Variants in UFD1 observed in about 807,000 individuals in gnomAD.
The protein encoded by UFD1 is ubiquitin recognition factor in ER-associated degradation protein 1.
UFD1 carries 13 observed loss-of-function variants against 45.9 expected under a neutral mutation model. The ratio of observed to expected loss-of-function variants is 0.28; its 90% confidence interval spans 0.18 to 0.45. The LOEUF (loss-of-function observed/expected upper bound fraction) is 0.45, where lower values mean the gene tolerates loss of function less well. Among genes scored for constraint, UFD1 ranks in the 20% least tolerant of loss-of-function variants. The pLI, the probability that UFD1 is intolerant of heterozygous loss-of-function variation, is 1.00. For missense variants in UFD1, 218 were observed against 389.2 expected, an observed-to-expected ratio of 0.56 and a Z score of 3.70; for synonymous variants, 128 against 139.2, an observed-to-expected ratio of 0.92 and a Z score of 0.56.
chr22:19,468,518 A>G (rs1377365106), intron 4 of UFD1, among the ~76,000 whole-genome samples: 1 of 152,192 alleles, frequency 6.6e-6, no homozygotes, highest in African/African-American at 2.4e-5. Flanking sequence ...ACATGTCTCT[A>G]TTAAACAACC....
chr22:19,463,932 A>C (rs2089784422), intron 6 of UFD1, among the ~76,000 whole-genome samples: 1 of 152,336 alleles, frequency 6.6e-6, no homozygotes, highest in East Asian at 1.9e-4. Context: ...TAGGAGTTAT[A>C]TGTAGTATTA....
At chr22:19,468,183 A>G (rs1451410584) in intron 4 of UFD1, among the ~76,000 whole-genome samples, 180 bp from the exon 5 acceptor site, 2 of 152,250 alleles carry the variant, frequency 1.3e-5, no homozygotes, top group African/African-American at 4.8e-5. Context: ...TGTGGAAGGA[A>G]GAAGGCCAAT....
Position 19,475,599 on chromosome 22 carries a change from A to G in UFD1, c.7T>C (p.Ser3Pro). The change falls in exon 2 of 12, where the codon TCT (serine) becomes CCT (proline). Residue 3 changes from serine to proline, a missense_variant. By Grantham distance (74) the Ser-to-Pro change is moderately conservative. Coordinates refer to ENST00000263202, the MANE Select transcript of UFD1 (RefSeq NM_005659.7). The stretch of plus-strand genomic sequence containing the variant: ...ATAGGGTGGTCGAACATGTTGAAAG[A>G]GAACTAGAAGGAGGAAAGAGAAACA... MF[S>P]FNMFDHPIPR... is the part of the protein sequence containing the mutation. The G allele has an allele frequency of 6.2e-7, 1 of 1,614,102 alleles. No individual in the cohort carries two copies. Among genetic ancestry groups the G allele is most frequent in the Non-Finnish European group, 8.5e-7 (1 of 1,179,992 alleles).
intron 3 of UFD1, among the ~76,000 whole-genome samples, chr22:19,472,980 T>C (rs1601902266): frequency 6.6e-6 from 1 of 152,312 alleles, no homozygotes; most frequent in East Asian, 1.9e-4. Flanking sequence ...AAAATTCTAA[T>C]AAAGCAAATC....
At chr22:19,469,209 G>A (rs942787916) in intron 4 of UFD1, among the ~76,000 whole-genome samples, 2 of 152,226 alleles carry the variant, frequency 1.3e-5, no homozygotes, top group Admixed American at 1.3e-4. Context: ...TGTTCTAACA[G>A]GAAGTATTCT....
At chr22:19,458,262 C>A (rs904806096) in intron 6 of UFD1, 123 bp from the exon 7 acceptor site, 5 of 970,728 alleles carry the variant, frequency 5.2e-6, no homozygotes, top group Non-Finnish European at 8.0e-6. Flanking sequence ...CATGACACAA[C>A]CTACAGCTGC....
chr22:19,463,610 G>T (rs1023306429), intron 6 of UFD1, among the ~76,000 whole-genome samples: 3 of 152,184 alleles, frequency 2.0e-5, no homozygotes, highest in Non-Finnish European at 4.4e-5. Flanking sequence ...TATTTCTCCT[G>T]AGACAATGAC....
chr22:19,454,466 T>G, intron 11 of UFD1: 1 of 734,450 alleles, frequency 1.4e-6, no homozygotes, highest in Non-Finnish European at 1.9e-6. Flanking sequence ...TCTGATGGTT[T>G]TATAAGTAGG....
At chr22:19,475,912 A>G (rs930694654) in intron 1 of UFD1, among the ~76,000 whole-genome samples, 2 of 152,122 alleles carry the variant, frequency 1.3e-5, no homozygotes, top group African/African-American at 4.8e-5. Context: ...TTTTCCTATT[A>G]TCATTAATCT....
At chr22:19,478,154 C>T (rs2089903496) in intron 1 of UFD1, among the ~76,000 whole-genome samples, 1 of 152,168 alleles carries the variant, frequency 6.6e-6, no homozygotes. Flanking sequence ...GACCTTCTGC[C>T]CCTTCTTTGC....
intron 1 of UFD1, 175 bp downstream of exon 1, chr22:19,478,908 G>C (rs945175384): frequency 2.4e-5 from 19 of 786,726 alleles, no homozygotes; most frequent in Admixed American, 3.6e-5. Flanking sequence ...GACCACAGGC[G>C]GTTAGTGGTC....
intron 7 of UFD1, 75 bp downstream of exon 7, chr22:19,457,995 AC>A: frequency 6.6e-7 from 1 of 1,516,306 alleles, no homozygotes; most frequent in Admixed American, 1.7e-5. Context: ...CCCTCCTGAC[AC>A]CCTGGCCTGC....
intron 1 of UFD1, among the ~76,000 whole-genome samples, chr22:19,477,988 G>A (rs2089900638): frequency 6.6e-6 from 1 of 152,126 alleles, no homozygotes; most frequent in African/African-American, 2.4e-5. Context: ...AGCGTTTCTG[G>A]GTGAACAAGG....
chr22:19,455,426 G>A (rs895667748), intron 10 of UFD1, among the ~76,000 whole-genome samples: 2 of 152,212 alleles, frequency 1.3e-5, no homozygotes, highest in East Asian at 3.8e-4. Context: ...GAAAGCCAGT[G>A]GGGGCAAGAA....
chr22:19,469,834 C>T (rs1470431999), intron 4 of UFD1: 1 of 466,476 alleles, frequency 2.1e-6, no homozygotes, highest in Admixed American at 2.3e-5. Flanking sequence ...CAGCTCCAGG[C>T]TACCTAAAGA....
intron 11 of UFD1, chr22:19,454,385 G>A (rs1387454911): frequency 2.1e-6 from 2 of 942,260 alleles, no homozygotes; most frequent in Non-Finnish European, 2.6e-6. Flanking sequence ...CTGAGTCGGT[G>A]GGAGGTAACT....
intron 11 of UFD1, chr22:19,454,547 T>C (rs1440929361): frequency 5.1e-6 from 6 of 1,182,360 alleles, no homozygotes; most frequent in South Asian, 3.2e-5. Flanking sequence ...CCTGCCATGA[T>C]TGTGAGGCCT....
chr22:19,475,397 G>C (rs569594051), intron 2 of UFD1, 73 bp downstream of exon 2: 1 of 1,581,744 alleles, frequency 6.3e-7, no homozygotes, highest in Admixed American at 1.8e-5. Context: ...TGCAAAGTAA[G>C]TACTGTTGAA....
chr22:19,475,678 T>C, intron 1 of UFD1, 76 bp from the exon 2 acceptor site: 1 of 1,492,124 alleles, frequency 6.7e-7, no homozygotes, highest in Non-Finnish European at 9.3e-7. Flanking sequence ...CATGTCAGAG[T>C]AATTAATGCT....
Sources: allele counts gnomAD v4.1 joint callset (sites outside exome capture counted in the v4.1 genomes callset), GRCh38; gene constraint gnomAD v4.1.1; transcripts MANE v1.5; gene names NCBI Gene and HGNC (gene_info 2026-07-23, HGNC 2026-07-21).